GPATCH1: variants seen among roughly 807,000 people sequenced by gnomAD.
The protein encoded by GPATCH1 is G patch domain-containing protein 1.
GPATCH1 carries 73 observed loss-of-function variants against 114.9 expected under a neutral mutation model. The observed-to-expected ratio is 0.64, with a 90% CI of 0.53 to 0.77. The LOEUF is 0.77. Among genes scored for constraint, GPATCH1 ranks in the 30% least tolerant of loss-of-function variants. The pLI is 0.00. For missense variants in GPATCH1, 1,058 were observed against 1,144.3 expected, an observed-to-expected ratio of 0.92 and a Z score of 1.09; for synonymous variants, 391 against 428.4, an observed-to-expected ratio of 0.91 and a Z score of 1.08.
intron 9 of GPATCH1, among the ~76,000 whole-genome samples, chr19:33,106,218 C>G (rs998210764): frequency 6.6e-6 from 1 of 151,678 alleles, no homozygotes; most frequent in Non-Finnish European, 1.5e-5. Flanking sequence ...TGCCCAGGCT[C>G]GTCATGAACT....
chr19:33,081,448 G>C (rs923066526), intron 1 of GPATCH1, among the ~76,000 whole-genome samples, 182 bp downstream of exon 1: 7 of 152,172 alleles, frequency 4.6e-5, no homozygotes, highest in Non-Finnish European at 1.0e-4. Flanking sequence ...ACAGAGAGAG[G>C]TTTACAGGGA....
chr19:33,123,073 A>AAAATAAATAAAT (rs35241970), intron 17 of GPATCH1, among the ~76,000 whole-genome samples: 9 of 138,338 alleles, frequency 6.5e-5, no homozygotes, highest in African/African-American at 1.9e-4. Context: ...TGCTGTCTCA[A>AAAATAAATAAAT]AAATAAATAA....
In GPATCH1 at chr19:33,088,119, T is replaced by C; in HGVS notation, c.74-15T>C. On this transcript the variant is annotated splice_polypyrimidine_tract_variant and intron_variant, in intron 1 of 19. Transcript: ENST00000170564. ...TCTTTTTCATTTAAAAAACTTTTTT[T>C]TTTTTTTTTTTTAGGTGAAAGACCA... is the stretch of plus-strand genomic sequence containing the variant. The C allele has an allele frequency of 1.4e-6, 2 of 1,431,650 alleles. No individual in the cohort carries two copies. Among genetic ancestry groups the C allele is most frequent in the Non-Finnish European group, 1.8e-6 (2 of 1,090,720 alleles). The allele number at this position is 1,431,650 out of a possible 1,614,324, so 88.7% of individuals were successfully genotyped here.
chr19:33,093,517 A>G lies in GPATCH1; in HGVS notation c.453A>G (p.Ala151=). 6.2e-7 allele frequency: 1 copy of G among 1,610,450 alleles called. No homozygotes were observed. Among genetic ancestry groups the G allele is most frequent in the Non-Finnish European group, 8.5e-7 (1 of 1,178,608 alleles). The change falls in exon 4 of 20, where the codon GCA becomes GCG. Residue 151 remains alanine (A), a splice_region_variant and synonymous_variant. Coordinates refer to ENST00000170564, the MANE Select transcript of GPATCH1 (RefSeq NM_018025.3). ...ATLLDDLITP[A]KLSVGFELLR... ...TCCTTGATGACCTCATAACGCCAGC[A>G]AAGTGAGCATTTCCTTCTGACTGTC...
chr19:33,095,387 G>A (rs1301548171), intron 5 of GPATCH1, among the ~76,000 whole-genome samples: 1 of 150,376 alleles, frequency 6.6e-6, no homozygotes, highest in Non-Finnish European at 1.5e-5. Flanking sequence ...TCAGCCTCCT[G>A]AGTAGCTGGG....
intron 8 of GPATCH1, among the ~76,000 whole-genome samples, chr19:33,098,745 C>T (rs1407420241): frequency 6.6e-6 from 1 of 152,078 alleles, no homozygotes; most frequent in East Asian, 1.9e-4. Context: ...GAAGTGGCAC[C>T]TACTATTCTT....
At chr19:33,082,908 A>C (rs1275448099) in intron 1 of GPATCH1, among the ~76,000 whole-genome samples, 1 of 152,002 alleles carries the variant, frequency 6.6e-6, no homozygotes, top group East Asian at 1.9e-4. Context: ...GCTGGATTGC[A>C]TGCATGAGCC....
At chr19:33,092,049 CTTT>C (rs200494204) in intron 3 of GPATCH1, among the ~76,000 whole-genome samples, 1 of 145,512 alleles carries the variant, frequency 6.9e-6, no homozygotes. Flanking sequence ...CTTTTCTTTT[CTTT>C]TTTTTTTTTC....
Position 33,117,804 on chromosome 19 carries a change from CTTAT to C in GPATCH1, c.2197-18_2197-15del, listed in dbSNP as rs754421941. The C allele has an allele frequency of 1.9e-6, 3 of 1,574,638 alleles. No individual in the cohort carries two copies. The highest frequency in any genetic ancestry group is 1.7e-6 in the Non-Finnish European group (2 of 1,145,766). On this transcript the variant is annotated splice_polypyrimidine_tract_variant and intron_variant, in intron 15 of 19. Coordinates refer to ENST00000170564, the MANE Select transcript of GPATCH1 (RefSeq NM_018025.3). ...TACCCTTGCCTCTGTATCCCTGACT[CTTAT>C]TTCACTGTCAATACAGACCGTCAAC... is the stretch of plus-strand genomic sequence containing the variant.
rs1972947863 is a variant in GPATCH1 at position 33,119,087 on chromosome 19, G to A, written c.2491G>A (p.Gly831Ser). ...GCAGATAGATGAAAGAGAAGAGTTC[G>A]GCCCGCGGCTGCCTCCCGTCTTCTG... ...KMQIDEREEF[G>S]PRLPPVFCPN... The change falls in exon 17 of 20, where the codon GGC becomes AGC. Residue 831 changes from glycine to serine, a missense_variant. This residue lies in a region of GPATCH1 where 893 missense variants were observed against 977.4 expected (regional missense o/e 0.91). Transcript: ENST00000170564. The A allele has an allele frequency of 9.9e-6, 16 of 1,611,986 alleles. No homozygotes were observed. The highest frequency in any genetic ancestry group is 1.4e-5 in the Non-Finnish European group (16 of 1,179,012).
chr19:33,128,175 C>T (rs1266297334), intron 19 of GPATCH1, among the ~76,000 whole-genome samples: 1 of 152,164 alleles, frequency 6.6e-6, no homozygotes, highest in Non-Finnish European at 1.5e-5. Context: ...GTAAACTCTG[C>T]CTCTCCGGCT....
chr19:33,120,028 ATTTATATATTTATAT>A (rs901541828), intron 17 of GPATCH1, among the ~76,000 whole-genome samples: 1 of 139,568 alleles, frequency 7.2e-6, no homozygotes, highest in African/African-American at 2.6e-5. Context: ...ATATTTATAT[ATTTATATATTTATAT>A]TTTATATATT....
intron 15 of GPATCH1, among the ~76,000 whole-genome samples, chr19:33,115,172 C>T (rs1028869840): frequency 4.7e-5 from 7 of 150,334 alleles, no homozygotes; most frequent in African/African-American, 1.5e-4. Context: ...AGCAATCCTG[C>T]CTCAGCCTCC....
chr19:33,097,690 T>C, intron 7 of GPATCH1, 65 bp from the exon 8 acceptor site: 1 of 1,437,570 alleles, frequency 7.0e-7, no homozygotes, highest in South Asian at 1.2e-5. Context: ...AAAGTAGCTT[T>C]ATCCCTGAAG....
intron 8 of GPATCH1, among the ~76,000 whole-genome samples, chr19:33,100,579 T>C: frequency 1.0e-5 from 1 of 97,628 alleles, no homozygotes. Flanking sequence ...AGAGCGAGAC[T>C]CCATCTCAAA....
At chr19:33,090,258 G>A (rs996733982) in intron 2 of GPATCH1, among the ~76,000 whole-genome samples, 1 of 152,172 alleles carries the variant, frequency 6.6e-6, no homozygotes, top group Non-Finnish European at 1.5e-5. Context: ...CCTTGGACCT[G>A]CCAGGTTGAG....
At chr19:33,104,134 A>G (rs965157212) in intron 9 of GPATCH1, among the ~76,000 whole-genome samples, 2 of 151,792 alleles carry the variant, frequency 1.3e-5, no homozygotes, top group Non-Finnish European at 2.9e-5. Context: ...GTTTGAGACC[A>G]GCCTGGGCAA....
chr19:33,098,050 G>A, intron 8 of GPATCH1, 148 bp downstream of exon 8: 1 of 824,488 alleles, frequency 1.2e-6, no homozygotes, highest in Non-Finnish European at 1.9e-6. Context: ...CCCAGCATGG[G>A]AAGTGAAACA....
intron 19 of GPATCH1, 104 bp downstream of exon 19, chr19:33,126,837 C>A: frequency 9.9e-7 from 1 of 1,009,414 alleles, no homozygotes; most frequent in Non-Finnish European, 1.5e-6. Context: ...AACTGGTAGG[C>A]CGGGTGCAGT....
Sources: allele counts gnomAD v4.1 joint callset (sites outside exome capture counted in the v4.1 genomes callset), GRCh38; gene constraint gnomAD v4.1.1; regional missense constraint gnomAD v4.1.1; transcripts MANE v1.5; gene names NCBI Gene and HGNC (gene_info 2026-07-23, HGNC 2026-07-21).